Variants in AOPEP observed in about 807,000 individuals in gnomAD.
The protein encoded by AOPEP is aminopeptidase O (putative), also known as aminopeptidase O.
AOPEP carries 77 observed loss-of-function variants against 98.1 expected under a neutral mutation model. That is an observed-to-expected ratio of 0.78 (90% CI 0.65 to 0.95). The LOEUF is 0.95. Among genes scored for constraint, AOPEP ranks in the 40% least tolerant of loss-of-function variants. The probability of loss-of-function intolerance (pLI) is 0.00; values close to 1 mark genes in which losing one functional copy is unlikely to be tolerated. For synonymous variants in AOPEP, 346 were observed against 365.3 expected, an observed-to-expected ratio of 0.95 and a Z score of 0.60; for missense variants, 1,024 against 1,024.7, an observed-to-expected ratio of 1.00 and a Z score of 0.01.
intron 5 of AOPEP, among the ~76,000 whole-genome samples, chr9:94,851,775 A>T (rs921233975): frequency 1.4e-5 from 2 of 148,142 alleles, no homozygotes; most frequent in Non-Finnish European, 1.5e-5. Context: ...TAGTCATACT[A>T]GATACTGCAA....
chr9:94,999,290 GA>G (rs2061420101), intron 11 of AOPEP, among the ~76,000 whole-genome samples: 1 of 151,824 alleles, frequency 6.6e-6, no homozygotes, highest in African/African-American at 2.4e-5. Flanking sequence ...AATAATGGTA[GA>G]AAAAAAAGGA....
At chr9:94,752,960 C>T (rs1160657173) in intron 1 of AOPEP, among the ~76,000 whole-genome samples, 1 of 152,078 alleles carries the variant, frequency 6.6e-6, no homozygotes, top group African/African-American at 2.4e-5. Flanking sequence ...TACAGCCATT[C>T]CAAAAGCTCA....
intron 11 of AOPEP, among the ~76,000 whole-genome samples, chr9:94,993,484 C>T (rs1313215930): frequency 1.3e-5 from 2 of 152,110 alleles, no homozygotes; most frequent in Non-Finnish European, 2.9e-5. Flanking sequence ...CTACAGTGAT[C>T]GCTGCATATT....
intron 6 of AOPEP, among the ~76,000 whole-genome samples, chr9:94,928,037 A>T (rs2054628915): frequency 6.6e-6 from 1 of 152,204 alleles, no homozygotes; most frequent in African/African-American, 2.4e-5. Context: ...GGCTGGGGAA[A>T]ATCGGAGGTG....
chr9:94,802,175 G>T (rs1838227500), intron 5 of AOPEP, among the ~76,000 whole-genome samples: 1 of 152,104 alleles, frequency 6.6e-6, no homozygotes, highest in Non-Finnish European at 1.5e-5. Context: ...TTAATGGAGG[G>T]GGGGGCTTCT....
chr9:95,126,619 CA>C, the AOPEP span: 1 of 1,603,670 alleles, frequency 6.2e-7, no homozygotes. Context: ...TGAAATATCA[CA>C]AGCACTTTCT....
At chr9:95,144,610 A>C in the AOPEP span, among the ~76,000 whole-genome samples, 1 of 152,210 alleles carries the variant, frequency 6.6e-6, no homozygotes. Context: ...GCTCTTGCTG[A>C]AAGAGTAAGG....
At chr9:94,799,381 C>A (rs1156856970) in intron 4 of AOPEP, among the ~76,000 whole-genome samples, 1 of 151,288 alleles carries the variant, frequency 6.6e-6, no homozygotes, top group Admixed American at 6.6e-5. Context: ...AAAGTGAGAC[C>A]CCATCTCCAG....
chr9:94,840,429 G>T (rs2042140884), intron 5 of AOPEP, among the ~76,000 whole-genome samples: 1 of 152,116 alleles, frequency 6.6e-6, no homozygotes, highest in African/African-American at 2.4e-5. Flanking sequence ...TTGCATCTGT[G>T]TTCATGAGGG....
At chr9:95,020,821 G>C (rs1192595073) in intron 13 of AOPEP, among the ~76,000 whole-genome samples, 1 of 149,726 alleles carries the variant, frequency 6.7e-6, no homozygotes, top group Admixed American at 6.8e-5. Context: ...AGGAGGCTGA[G>C]GTGGGAGGAT....
At chr9:94,985,219 C>T (rs2060444700) in intron 11 of AOPEP, among the ~76,000 whole-genome samples, 2 of 152,242 alleles carry the variant, frequency 1.3e-5, no homozygotes, top group African/African-American at 4.8e-5. Flanking sequence ...AACTTGGGTT[C>T]CCAGACTTTC....
chr9:94,897,885 G>T (rs2049801397), intron 5 of AOPEP, among the ~76,000 whole-genome samples: 2 of 150,322 alleles, frequency 1.3e-5, no homozygotes, highest in South Asian at 2.1e-4. Flanking sequence ...TGTCGCCCAG[G>T]CTGGAATGCA....
chr9:95,000,709 A>AAAAT (rs751237896), intron 11 of AOPEP, among the ~76,000 whole-genome samples: 5 of 152,240 alleles, frequency 3.3e-5, no homozygotes, highest in African/African-American at 4.8e-5. Flanking sequence ...ACATTGTCTC[A>AAAAT]AAATAAATAA....
At chr9:94,976,670 T>C (rs924024673) in intron 10 of AOPEP, among the ~76,000 whole-genome samples, 1 of 151,814 alleles carries the variant, frequency 6.6e-6, no homozygotes, top group Admixed American at 6.6e-5. Context: ...TTTTTTTTTT[T>C]TCTTTTTGGG....
the AOPEP span, among the ~76,000 whole-genome samples, chr9:95,095,723 A>G: frequency 1.3e-5 from 2 of 152,136 alleles, no homozygotes; most frequent in Admixed American, 1.3e-4. Context: ...GGAAGTCCGC[A>G]GGGATGCGCT....
intron 5 of AOPEP, among the ~76,000 whole-genome samples, chr9:94,857,322 C>T (rs1300601083): frequency 6.6e-6 from 1 of 152,166 alleles, no homozygotes; most frequent in Non-Finnish European, 1.5e-5. Flanking sequence ...GCTGCGAATT[C>T]ACCTCATGTA....
intron 13 of AOPEP, among the ~76,000 whole-genome samples, chr9:95,033,287 G>A (rs984580694): frequency 1.3e-5 from 2 of 152,004 alleles, no homozygotes; most frequent in Non-Finnish European, 2.9e-5. Flanking sequence ...CCACCTGTTT[G>A]TTCTGGTGCC....
At chr9:94,799,985 C>T (rs1302751318) in intron 4 of AOPEP, among the ~76,000 whole-genome samples, 1 of 152,086 alleles carries the variant, frequency 6.6e-6, no homozygotes, top group Non-Finnish European at 1.5e-5. Flanking sequence ...TAGATAAGTT[C>T]TCTTGAGTCC....
chr9:94,896,205 A>G (rs1434314464), intron 5 of AOPEP, among the ~76,000 whole-genome samples: 3 of 152,242 alleles, frequency 2.0e-5, no homozygotes, highest in Non-Finnish European at 4.4e-5. Context: ...CTTAAAAATC[A>G]TTCATTTTCT....
Sources: gnomAD v4.1 joint callset for allele counts (sites outside exome capture counted in the v4.1 genomes callset) on GRCh38, gnomAD v4.1.1 for gene constraint, MANE v1.5 for transcripts, NCBI Gene and HGNC (gene_info 2026-07-23, HGNC 2026-07-21) for gene names.